THSD7A: variants seen among roughly 807,000 people sequenced by gnomAD.
THSD7A encodes thrombospondin type 1 domain containing 7A.
Under a neutral mutation model 231.3 loss-of-function variants are expected in THSD7A, and 96 were observed. The ratio of observed to expected loss-of-function variants is 0.41; its 90% confidence interval spans 0.35 to 0.49. The LOEUF is 0.49. THSD7A is among the 20% of genes least tolerant of loss of function. The pLI is 0.05. For synonymous variants in THSD7A, 940 were observed against 743.3 expected (o/e 1.26, Z -4.30); for missense variants, 2,290 against 2,070.2 (o/e 1.11, Z -2.06).
chr7:11,459,023 G>GT (rs1387259814), intron 11 of THSD7A, among the ~76,000 whole-genome samples: 2 of 152,140 alleles, frequency 1.3e-5, no homozygotes, highest in Non-Finnish European at 2.9e-5. Flanking sequence ...AACTGAGGCT[G>GT]TTTTCACACT....
chr7:11,468,776 A>G (rs111748474), intron 9 of THSD7A, among the ~76,000 whole-genome samples: 93 of 152,238 alleles, frequency 6.1e-4, no homozygotes, highest in African/African-American at 2.0e-3. Flanking sequence ...TGAGGTTGCA[A>G]TGGGCCGAAA....
intron 1 of THSD7A, among the ~76,000 whole-genome samples, chr7:11,734,287 C>T (rs1026928620): frequency 1.3e-5 from 2 of 151,950 alleles, no homozygotes; most frequent in Admixed American, 1.3e-4. Flanking sequence ...GAATTATTCC[C>T]GTTGCACAAC....
intron 1 of THSD7A, among the ~76,000 whole-genome samples, chr7:11,759,269 A>C (rs950481493): frequency 6.6e-6 from 1 of 152,160 alleles, no homozygotes; most frequent in East Asian, 1.9e-4. Context: ...TAGTGAAAGT[A>C]TGCTAAAGGA....
At chr7:11,780,997 C>CAAAAAAAAAAAAAAAAAAAAA (rs58931693) in intron 1 of THSD7A, among the ~76,000 whole-genome samples, 2 of 34,448 alleles carry the variant, frequency 5.8e-5, no homozygotes, top group Non-Finnish European at 5.3e-5. Flanking sequence ...GACTCCGTCT[C>CAAAAAAAAAAAAAAAAAAAAA]AAAAAAAAAA....
rs778014251 is a variant in THSD7A, at chr7:11,407,409, C to T, written c.3813G>A (p.Lys1271=). 1.9e-6 allele frequency: 3 copies of T among 1,612,796 alleles called. No individual in the cohort carries two copies. The highest frequency in any genetic ancestry group is 1.7e-6 in the Non-Finnish European group (2 of 1,179,422). The change falls in exon 20 of 28, where the codon AAG becomes AAA. Residue 1271 remains lysine (K), a synonymous_variant. Coordinates refer to ENST00000423059, the MANE Select transcript of THSD7A (RefSeq NM_015204.3). ...LKYCEALGLE[K]NWQMNTSCMV... ...TGCAGGACGTGTTCATCTGCCAGTTCTTCTCCAAGCCAAGCTGGAAGAACA... is the reference window on the plus strand; with the variant it reads ...TGCAGGACGTGTTCATCTGCCAGTTTTTCTCCAAGCCAAGCTGGAAGAACA...
intron 24 of THSD7A, 149 bp from the exon 25 acceptor site, chr7:11,379,861 A>C: frequency 1.3e-6 from 1 of 799,848 alleles, no homozygotes; most frequent in Non-Finnish European, 2.0e-6. Flanking sequence ...TATTTGGTTA[A>C]CCTTGACCAC....
chr7:11,734,367 A>G (rs1303498739), intron 1 of THSD7A, among the ~76,000 whole-genome samples: 1 of 152,084 alleles, frequency 6.6e-6, no homozygotes, highest in Admixed American at 6.6e-5. Context: ...TTACTGGTAC[A>G]AAATTAAATA....
rs148849027 is a variant in THSD7A, at chr7:11,392,534, C to G, written c.4411+9261G>C. ...GGCCTGGAGCACCAGCAGGACCGAA[C>G]TATTCACTCCCCTGGAAAGGGGGCT... On this transcript the variant is annotated intron_variant, in intron 23 of 27. Coordinates refer to ENST00000423059, the MANE Select transcript of THSD7A (RefSeq NM_015204.3). 1.5e-3 allele frequency among the ~76,000 whole-genome samples: 225 copies of G among 152,228 alleles called. 2 individuals are homozygous for G. In the East Asian group the frequency reaches 0.026, roughly 18 times the overall value.
chr7:11,598,137 T>C (rs1191560323), intron 2 of THSD7A, among the ~76,000 whole-genome samples: 2 of 152,138 alleles, frequency 1.3e-5, no homozygotes, highest in Non-Finnish European at 2.9e-5. Flanking sequence ...GCACTTTGCA[T>C]GGGAGGAGAA....
chr7:11,543,241 C>A, intron 4 of THSD7A, 124 bp from the exon 5 acceptor site: 1 of 727,762 alleles, frequency 1.4e-6, no homozygotes, highest in Non-Finnish European at 2.2e-6. Context: ...GACATTATTC[C>A]AATGCTTCTC....
rs1441107520 is a variant in THSD7A, at chr7:11,636,222, G to A, written c.930C>T (p.Asn310=). 1.2e-6 allele frequency: 2 copies of A among 1,614,028 alleles called. No homozygotes were observed. Among genetic ancestry groups the A allele is most frequent in the Non-Finnish European group, 1.7e-6 (2 of 1,179,900 alleles). Residue 310 remains asparagine, a synonymous_variant, in exon 2 of 28, where the codon AAC becomes AAT. Coordinates refer to ENST00000423059, the MANE Select transcript of THSD7A (RefSeq NM_015204.3). This position sits in a 1 kb window ranked among gnomAD's most constrained non-coding sequence, Gnocchi z 10.0. ...TGTCCCAATATTTGTTCTCTTGTCT[G>A]TTCTGCCTGTTTCTGTTTCTCTTTT... ...IKKKRNRNRQ[N]RQENKYWDIQ...
intron 19 of THSD7A, among the ~76,000 whole-genome samples, chr7:11,410,781 C>A (rs1038443442): frequency 4.0e-5 from 6 of 151,896 alleles, no homozygotes; most frequent in Non-Finnish European, 7.4e-5. Flanking sequence ...GGTATTAGAT[C>A]CTAATATCAA....
intron 11 of THSD7A, among the ~76,000 whole-genome samples, chr7:11,459,620 T>G (rs1366159091): frequency 7.0e-6 from 1 of 143,158 alleles, no homozygotes; most frequent in Non-Finnish European, 1.6e-5. Context: ...CTAAGTTTTA[T>G]GTTCCAGAAG....
At chr7:11,613,375 G>C (rs1780997325) in intron 2 of THSD7A, among the ~76,000 whole-genome samples, 1 of 152,154 alleles carries the variant, frequency 6.6e-6, no homozygotes. Flanking sequence ...AACATACAAA[G>C]TAGTTTCAGC....
At chr7:11,597,057 A>G (rs1780388276) in intron 2 of THSD7A, among the ~76,000 whole-genome samples, 1 of 152,232 alleles carries the variant, frequency 6.6e-6, no homozygotes, top group Admixed American at 6.5e-5. Flanking sequence ...GGTCCATTAC[A>G]TTGATGACAT....
chr7:11,636,486 C>T lies in THSD7A; in HGVS notation c.666G>A (p.Val222=), dbSNP rs1158725042. The T allele has an allele frequency of 3.1e-6, 5 of 1,613,704 alleles. No homozygotes were observed. The highest frequency in any genetic ancestry group is 1.7e-5 in the Admixed American group (1 of 59,988). ...SGLQHRTRHV[V]APPQFGGSGC... ...CAGAGCCTCCGAACTGCGGGGGCGC[C>T]ACCACATGACGCGTCCGGTGCTGGA... Residue 222 remains valine (V), a synonymous_variant, in exon 2 of 28, where the codon GTG becomes GTA. Transcript: ENST00000423059. This position sits in a 1 kb window ranked among gnomAD's most constrained non-coding sequence, Gnocchi z 10.0.
At chr7:11,659,595 T>A (rs1182547677) in intron 1 of THSD7A, among the ~76,000 whole-genome samples, 1 of 151,508 alleles carries the variant, frequency 6.6e-6, no homozygotes, top group African/African-American at 2.4e-5. Flanking sequence ...GTTGCAATTA[T>A]CTGTCTCTTA....
chr7:11,527,617 C>G (rs997442616), intron 6 of THSD7A, among the ~76,000 whole-genome samples: 1 of 148,484 alleles, frequency 6.7e-6, no homozygotes, highest in African/African-American at 2.4e-5. Flanking sequence ...CACGTTAGAT[C>G]CTTCCTTTAG....
intron 13 of THSD7A, among the ~76,000 whole-genome samples, chr7:11,433,069 A>G (rs1016326813): frequency 2.0e-5 from 3 of 152,038 alleles, no homozygotes; most frequent in African/African-American, 7.2e-5. Context: ...CTAAGTTTCT[A>G]ATGTACTTCT....
Sources: gnomAD v4.1 joint callset for allele counts (sites outside exome capture counted in the v4.1 genomes callset) on GRCh38, gnomAD v4.1.1 for gene constraint, Gnocchi (gnomAD v3.1) non-coding constraint, MANE v1.5 for transcripts, NCBI Gene and HGNC (gene_info 2026-07-23, HGNC 2026-07-21) for gene names.